Variants in GASK1A observed in about 807,000 individuals in gnomAD.
GASK1A encodes the protein golgi associated kinase 1A, also known as Golgi-associated kinase 1A.
Under a neutral mutation model 41.2 loss-of-function variants are expected in GASK1A, and 40 were observed. That is an observed-to-expected ratio of 0.97 (90% CI 0.75 to 1.27). GASK1A has a LOEUF of 1.27. GASK1A is among the 50% of genes most tolerant of loss of function. The pLI, the probability that GASK1A is intolerant of heterozygous loss-of-function variation, is 0.00. For missense variants in GASK1A, 678 were observed against 745.1 expected (o/e 0.91, Z 1.05); for synonymous variants, 316 against 307.1 (o/e 1.03, Z -0.30).
At position 42,998,393 on chromosome 3, in the gene GASK1A, G is replaced by C. The variant is rs567604170; in HGVS notation, c.3+18748G>C. Among the ~76,000 whole-genome samples the C allele has an allele frequency of 6.6e-5, 10 of 152,310 alleles. No homozygotes were observed. In the South Asian group the frequency reaches 2.1e-3, roughly 32 times the overall value. ...TGGGTGTGTCTAGGGCAGACCTGGA[G>C]CTCAGCTACTTAGCCCAGTTTGCCC... On this transcript the variant is annotated intron_variant, in intron 1 of 4. Coordinates refer to ENST00000430121, the MANE Select transcript of GASK1A (RefSeq NM_001129908.3).
chr3:42,998,090 C>T (rs2089386347), intron 1 of GASK1A, among the ~76,000 whole-genome samples: 2 of 152,324 alleles, frequency 1.3e-5, no homozygotes, highest in South Asian at 4.1e-4. Context: ...CTGACCACTT[C>T]TGAAGTCCTT....
intron 1 of GASK1A, among the ~76,000 whole-genome samples, chr3:42,988,031 G>A (rs1246075681): frequency 6.6e-6 from 1 of 150,558 alleles, no homozygotes; most frequent in African/African-American, 2.4e-5. Flanking sequence ...AGGATAGAGA[G>A]AATTCCAACA....
intron 1 of GASK1A, among the ~76,000 whole-genome samples, chr3:43,011,948 G>A (rs2089465695): frequency 6.6e-6 from 1 of 151,894 alleles, no homozygotes; most frequent in African/African-American, 2.4e-5. Context: ...GGAAGCGGCA[G>A]TGTGAAGCCA....
At chr3:43,041,903 T>G (rs1457519673) in intron 2 of GASK1A, among the ~76,000 whole-genome samples, 1 of 152,212 alleles carries the variant, frequency 6.6e-6, no homozygotes, top group African/African-American at 2.4e-5. Flanking sequence ...ATGCCTGTAA[T>G]CCCAGCACTT....
intron 1 of GASK1A, among the ~76,000 whole-genome samples, chr3:43,030,926 G>A (rs149679485): frequency 6.6e-6 from 1 of 152,320 alleles, no homozygotes; most frequent in Non-Finnish European, 1.5e-5. Context: ...ATCCCCTTTT[G>A]ACACCCACAG....
chr3:42,981,116 G>A (rs1324969463), intron 1 of GASK1A, among the ~76,000 whole-genome samples: 1 of 152,216 alleles, frequency 6.6e-6, no homozygotes, highest in Non-Finnish European at 1.5e-5. Flanking sequence ...TTCCCGTTCT[G>A]TGAGTCATTG....
intron 1 of GASK1A, among the ~76,000 whole-genome samples, chr3:43,023,137 C>T (rs2089530186): frequency 6.6e-6 from 1 of 152,112 alleles, no homozygotes. Flanking sequence ...CCCAGGTGGA[C>T]CCTAAATGCC....
rs759426418 is a variant in GASK1A, at chr3:43,032,465, C to A, written c.202C>A (p.Arg68=). ...THIRQALSSS[R]RQRARNMGFW... is the part of the protein sequence containing the mutation. ...TATCCGGCAGGCTTTGAGCTCCAGC[C>A]GGAGGCAGCGGGCAAGAAACATGGG... The change falls in exon 2 of 5, where the codon CGG becomes AGG. Residue 68 remains arginine, a synonymous_variant. Transcript: ENST00000430121. 16 of 1,550,912 alleles carry A rather than the reference C, an allele frequency of 1.0e-5. No homozygotes were observed. The South Asian group carries it at 1.2e-4, about 12-fold the overall frequency.
intron 2 of GASK1A, among the ~76,000 whole-genome samples, chr3:43,039,991 T>A (rs1319583655): frequency 7.9e-5 from 12 of 152,324 alleles, no homozygotes; most frequent in Admixed American, 7.8e-4. Context: ...GCTTTGTTTA[T>A]AGTCTTTTTG....
intron 1 of GASK1A, among the ~76,000 whole-genome samples, chr3:43,007,388 T>G (rs2089441477): frequency 6.6e-6 from 1 of 152,194 alleles, no homozygotes; most frequent in Non-Finnish European, 1.5e-5. Context: ...TCTCTCTCCA[T>G]AGAACAAACT....
intron 2 of GASK1A, among the ~76,000 whole-genome samples, chr3:43,051,878 G>A (rs2089690366): frequency 6.6e-6 from 1 of 152,180 alleles, no homozygotes; most frequent in Non-Finnish European, 1.5e-5. Flanking sequence ...TTCCCAGGCT[G>A]ATGTCTTCCT....
intron 2 of GASK1A, among the ~76,000 whole-genome samples, chr3:43,045,819 G>A (rs951081707): frequency 6.6e-6 from 1 of 152,186 alleles, no homozygotes; most frequent in African/African-American, 2.4e-5. Flanking sequence ...TCGTGATAGT[G>A]AGTTCTCATG....
intron 1 of GASK1A, among the ~76,000 whole-genome samples, chr3:43,002,702 ATAT>A (rs1413600846): frequency 1.3e-5 from 2 of 152,206 alleles, no homozygotes; most frequent in African/African-American, 4.8e-5. Context: ...TGAACTGATA[ATAT>A]TTTTTATATA....
intron 1 of GASK1A, among the ~76,000 whole-genome samples, chr3:43,000,060 C>T (rs2089401111): frequency 6.6e-6 from 1 of 152,214 alleles, no homozygotes; most frequent in South Asian, 2.1e-4. Flanking sequence ...AACTTTATCA[C>T]ATATGCAAAG....
chr3:43,021,075 C>CA (rs1320293074), intron 1 of GASK1A, among the ~76,000 whole-genome samples: 1 of 152,144 alleles, frequency 6.6e-6, no homozygotes, highest in Admixed American at 6.5e-5. Flanking sequence ...CTTGTGGAGG[C>CA]AATGGCAGGG....
intron 1 of GASK1A, among the ~76,000 whole-genome samples, chr3:43,008,378 G>A (rs2089446990): frequency 6.6e-6 from 1 of 152,204 alleles, no homozygotes; most frequent in Non-Finnish European, 1.5e-5. Context: ...GTGGCTGCCT[G>A]CCTCCTTCCT....
intron 2 of GASK1A, among the ~76,000 whole-genome samples, chr3:43,047,206 C>T (rs1321868098): frequency 2.6e-5 from 4 of 152,220 alleles, no homozygotes; most frequent in African/African-American, 7.2e-5. Flanking sequence ...TGCAGACACT[C>T]AATGCTAGCC....
At chr3:42,985,586 T>TGTTTGG (rs1237908326) in intron 1 of GASK1A, among the ~76,000 whole-genome samples, 1 of 144,250 alleles carries the variant, frequency 6.9e-6, no homozygotes, top group Non-Finnish European at 1.5e-5. Context: ...TGTGTGTGTG[T>TGTTTGG]GGGCGGAGGC....
chr3:43,032,769 C>A lies in GASK1A; in HGVS notation c.506C>A (p.Thr169Asn), dbSNP rs1423167782. 6.4e-7 allele frequency: 1 copy of A among 1,550,994 alleles called. No individual in the cohort carries two copies. The highest frequency in any genetic ancestry group is 8.7e-7 in the Non-Finnish European group (1 of 1,146,996). The change falls in exon 2 of 5, where the codon ACC (threonine) becomes AAC (asparagine). Residue 169 changes from threonine to asparagine, a missense_variant. By Grantham distance (65) the Thr-to-Asn change is moderately conservative. Coordinates refer to ENST00000430121, the MANE Select transcript of GASK1A (RefSeq NM_001129908.3). The part of the protein sequence containing the change: ...PIQETQSEVV[T>N]LVSPLPGSDM... ...CAGGAGACACAGAGTGAGGTGGTCA[C>A]CCTGGTCAGTCCACTCCCAGGGAGT...
Sources: allele counts gnomAD v4.1 joint callset (sites outside exome capture counted in the v4.1 genomes callset), GRCh38; gene constraint gnomAD v4.1.1; transcripts MANE v1.5; gene names NCBI Gene and HGNC (gene_info 2026-07-23, HGNC 2026-07-21).